PCSK2: variants seen among roughly 807,000 people sequenced by gnomAD.
PCSK2 encodes the protein neuroendocrine convertase 2.
A neutral mutation model predicts 69.7 loss-of-function variants in PCSK2; 14 were observed. The observed-to-expected ratio is 0.20, with a 90% CI of 0.13 to 0.31. PCSK2 has a LOEUF of 0.31. PCSK2 is among the 10% of genes least tolerant of loss of function. PCSK2 has a pLI of 1.00. For synonymous variants in PCSK2, 307 were observed against 320.7 expected (o/e 0.96, Z 0.46); for missense variants, 544 against 842.5 (o/e 0.65, Z 4.39).
intron 6 of PCSK2, among the ~76,000 whole-genome samples, chr20:17,421,807 TAAAAAAAAAAAAAAAAAAA>T (rs56376793): frequency 1.3e-5 from 1 of 78,972 alleles, no homozygotes; most frequent in Non-Finnish European, 2.3e-5. Context: ...GGAAGAGAGG[TAAAAAAAAAAAAAAAAAAA>T]AAAAAAAAAA....
intron 2 of PCSK2, among the ~76,000 whole-genome samples, chr20:17,266,992 C>G (rs548100411): frequency 6.6e-6 from 1 of 152,300 alleles, no homozygotes; most frequent in South Asian, 2.1e-4. Flanking sequence ...GCCATGCCCA[C>G]TTCACTCAAT....
chr20:17,285,038 A>G (rs1988464222), intron 2 of PCSK2, among the ~76,000 whole-genome samples: 1 of 152,184 alleles, frequency 6.6e-6, no homozygotes. Flanking sequence ...TATAGGAACA[A>G]TGGGGATGCC....
chr20:17,475,076 G>A (rs911425665), intron 11 of PCSK2, among the ~76,000 whole-genome samples: 7 of 151,812 alleles, frequency 4.6e-5, no homozygotes, highest in African/African-American at 1.7e-4. Context: ...AACTGTAGGA[G>A]AGTGAGGGAT....
chr20:17,274,894 C>G (rs1425333077), intron 2 of PCSK2, among the ~76,000 whole-genome samples: 1 of 151,924 alleles, frequency 6.6e-6, no homozygotes, highest in Non-Finnish European at 1.5e-5. Context: ...TTAAAATGAA[C>G]CCCAAGACAC....
At chr20:17,425,431 A>G (rs1354153792) in intron 6 of PCSK2, among the ~76,000 whole-genome samples, 1 of 152,096 alleles carries the variant, frequency 6.6e-6, no homozygotes, top group Non-Finnish European at 1.5e-5. Flanking sequence ...TTCATCAAAG[A>G]CTGCTTTGTA....
At chr20:17,303,187 A>G (rs1471630867) in intron 2 of PCSK2, among the ~76,000 whole-genome samples, 1 of 143,870 alleles carries the variant, frequency 7.0e-6, no homozygotes, top group East Asian at 2.0e-4. Context: ...CATATATAAT[A>G]TATATATTTA....
chr20:17,414,881 A>G (rs960155315), intron 6 of PCSK2, among the ~76,000 whole-genome samples: 3 of 152,232 alleles, frequency 2.0e-5, no homozygotes, highest in African/African-American at 7.2e-5. Context: ...CTGGTTCAAC[A>G]TATGCAAATC....
chr20:17,418,719 G>A lies in PCSK2; in HGVS notation c.620+9380G>A, dbSNP rs370010330. ...ACCCAGCATGAGCCTCCCACCAGCT[G>A]TGCAGACACCAAGGCATCCCACAGG... On this transcript the variant is annotated intron_variant, in intron 6 of 11. Coordinates refer to ENST00000262545, the MANE Select transcript of PCSK2 (RefSeq NM_002594.5). 6.6e-5 allele frequency among the ~76,000 whole-genome samples: 10 copies of A among 152,244 alleles called. 1 individual carries two copies. In the South Asian group the frequency reaches 8.3e-4, roughly 13 times the overall value.
intron 2 of PCSK2, among the ~76,000 whole-genome samples, chr20:17,308,994 G>T (rs1410268736): frequency 6.6e-6 from 1 of 152,136 alleles, no homozygotes; most frequent in Non-Finnish European, 1.5e-5. Context: ...TAAAGGGAGG[G>T]GAAACAGACT....
chr20:17,378,155 A>G (rs2030982197), intron 5 of PCSK2, among the ~76,000 whole-genome samples: 1 of 152,214 alleles, frequency 6.6e-6, no homozygotes. Context: ...AACACCACCC[A>G]TATAGGAATG....
At chr20:17,431,656 G>C (rs911687335) in intron 7 of PCSK2, among the ~76,000 whole-genome samples, 2 of 152,190 alleles carry the variant, frequency 1.3e-5, no homozygotes, top group Non-Finnish European at 2.9e-5. Context: ...CTAACTACAA[G>C]GGCTGCGAGG....
At chr20:17,449,193 G>A (rs1383118016) in intron 8 of PCSK2, among the ~76,000 whole-genome samples, 1 of 152,130 alleles carries the variant, frequency 6.6e-6, no homozygotes, top group Non-Finnish European at 1.5e-5. Context: ...ACTTGCCTCA[G>A]GCAGCTGACA....
chr20:17,378,616 GATGGATGGATGGATGGATGGATGGATGA>G (rs1303062576), intron 5 of PCSK2, among the ~76,000 whole-genome samples: 162 of 148,600 alleles, frequency 1.1e-3, no homozygotes, highest in Middle Eastern at 6.8e-3. Flanking sequence ...TGGATGGATG[GATGGATGGATGGATGGATGGATGGATGA>G]ATGGATGGAT....
intron 1 of PCSK2, among the ~76,000 whole-genome samples, chr20:17,251,806 G>A (rs1240077037): frequency 6.6e-6 from 1 of 152,156 alleles, no homozygotes. Flanking sequence ...TGTGGTCCAC[G>A]ATGTGTGGAG....
At position 17,257,964 on chromosome 20, in the gene PCSK2, TA is replaced by T. The variant is rs569787407; in HGVS notation, c.178-2271del. On this transcript the variant is annotated intron_variant, in intron 1 of 11. Coordinates refer to ENST00000262545, the MANE Select transcript of PCSK2 (RefSeq NM_002594.5). ...TTGCTACTTCAGGAAATTGCAACCT[TA>T]AAAATTTGCCACTGATTATTTTTGA... 6.6e-3 allele frequency among the ~76,000 whole-genome samples: 1,002 copies of T among 152,340 alleles called. 3 individuals are homozygous for T. The highest frequency in any genetic ancestry group is 9.9e-3 in the Non-Finnish European group (674 of 68,020).
At chr20:17,468,685 C>A (rs1054419660) in intron 11 of PCSK2, among the ~76,000 whole-genome samples, 2 of 150,328 alleles carry the variant, frequency 1.3e-5, no homozygotes, top group Non-Finnish European at 3.0e-5. Flanking sequence ...CTCCTGTAGA[C>A]GGGCAGCCCA....
chr20:17,255,552 A>G (rs1424156316), intron 1 of PCSK2, among the ~76,000 whole-genome samples: 2 of 152,216 alleles, frequency 1.3e-5, no homozygotes, highest in Non-Finnish European at 2.9e-5. Flanking sequence ...TATGTTAGCC[A>G]GGAAGGTCTT....
intron 1 of PCSK2, among the ~76,000 whole-genome samples, chr20:17,249,019 G>A (rs1304528081): frequency 6.6e-6 from 1 of 152,144 alleles, no homozygotes; most frequent in Non-Finnish European, 1.5e-5. Flanking sequence ...GACCAAGCCA[G>A]GTATGCAACT....
chr20:17,419,439 A>C (rs1161355922), intron 6 of PCSK2, among the ~76,000 whole-genome samples: 3 of 152,228 alleles, frequency 2.0e-5, no homozygotes, highest in Admixed American at 2.0e-4. Flanking sequence ...CATTTGACCA[A>C]ACAAAATAAT....
Sources: allele counts gnomAD v4.1 joint callset (sites outside exome capture counted in the v4.1 genomes callset), GRCh38; gene constraint gnomAD v4.1.1; transcripts MANE v1.5; gene names NCBI Gene and HGNC (gene_info 2026-07-23, HGNC 2026-07-21).